The following CHST9 variants were observed in gnomAD, a reference collection of about 807,000 sequenced individuals.
CHST9 encodes the protein GalNAc-4-sulfotransferase 2.
In CHST9, 41 loss-of-function variants were observed where a neutral mutation model predicts 44.4. The ratio of observed to expected loss-of-function variants is 0.92; its 90% CI spans 0.72 to 1.20. CHST9 has a LOEUF of 1.20. CHST9 is among the 50% of genes most tolerant of loss of function. The pLI is 0.00. For missense variants in CHST9, 504 were observed against 516.5 expected, an observed-to-expected ratio of 0.98 and a Z score of 0.23; for synonymous variants, 171 against 178.4, an observed-to-expected ratio of 0.96 and a Z score of 0.33.
chr18:26,960,617 G>A (rs1039297919), intron 4 of CHST9, among the ~76,000 whole-genome samples: 13 of 152,316 alleles, frequency 8.5e-5, no homozygotes, highest in Admixed American at 5.2e-4. Flanking sequence ...GCATATGGGA[G>A]TTATTTATAT....
chr18:27,155,916 A>G (rs368296740), intron 1 of CHST9, among the ~76,000 whole-genome samples: 4 of 152,232 alleles, frequency 2.6e-5, no homozygotes, highest in South Asian at 4.1e-4. Context: ...AAAGCAGGTT[A>G]TATGTTAGAA....
chr18:26,994,598 G>A (rs2056863187), intron 4 of CHST9, among the ~76,000 whole-genome samples: 1 of 151,868 alleles, frequency 6.6e-6, no homozygotes, highest in Non-Finnish European at 1.5e-5. Flanking sequence ...TTTTTTGCGG[G>A]GCTGGGGGGT....
chr18:26,970,531 C>T (rs1568114689), intron 4 of CHST9, among the ~76,000 whole-genome samples: 4 of 152,256 alleles, frequency 2.6e-5, no homozygotes, highest in South Asian at 4.1e-4. Flanking sequence ...GGGGCTAAAG[C>T]GATTCTCCCT....
intron 2 of CHST9, among the ~76,000 whole-genome samples, chr18:27,118,378 G>C (rs1219501630): frequency 6.6e-6 from 1 of 150,488 alleles, no homozygotes; most frequent in African/African-American, 2.5e-5. Flanking sequence ...ATGCAGAACA[G>C]TTTTTAATTT....
At chr18:26,955,535 G>C (rs2056310615) in intron 4 of CHST9, among the ~76,000 whole-genome samples, 1 of 152,044 alleles carries the variant, frequency 6.6e-6, no homozygotes. Context: ...GGAAGCCTTG[G>C]GTAGGCTGGA....
intron 4 of CHST9, among the ~76,000 whole-genome samples, chr18:27,012,578 A>G (rs1253404681): frequency 1.3e-5 from 2 of 152,120 alleles, no homozygotes; most frequent in Non-Finnish European, 2.9e-5. Context: ...GTTTAAACCC[A>G]TGTTGTTCCC....
intron 1 of CHST9, among the ~76,000 whole-genome samples, chr18:27,165,739 T>A (rs2143942540): frequency 6.6e-6 from 1 of 152,312 alleles, no homozygotes; most frequent in South Asian, 2.1e-4. Context: ...GCTAATTTTT[T>A]ATTAGTTACA....
intron 4 of CHST9, among the ~76,000 whole-genome samples, chr18:27,015,833 G>T (rs2057146635): frequency 6.6e-6 from 1 of 152,092 alleles, no homozygotes; most frequent in Non-Finnish European, 1.5e-5. Context: ...CAGATTGATG[G>T]TGTCTGTGAG....
intron 5 of CHST9, among the ~76,000 whole-genome samples, chr18:26,943,344 G>A (rs2056112288): frequency 6.6e-6 from 1 of 152,178 alleles, no homozygotes. Flanking sequence ...GAGTTACAGG[G>A]CATCTGGCAC....
intron 4 of CHST9, among the ~76,000 whole-genome samples, chr18:26,978,938 A>T (rs188884038): frequency 6.6e-6 from 1 of 152,108 alleles, no homozygotes; most frequent in African/African-American, 2.4e-5. Flanking sequence ...AGCCAATAAG[A>T]ATTTTCTAGG....
Position 27,142,738 on chromosome 18 carries a change from C to T in CHST9, c.72G>A (p.Gly24=). Residue 24 remains glycine, a synonymous_variant, in exon 2 of 6, where the codon GGG becomes GGA. Coordinates refer to ENST00000618847, the MANE Select transcript of CHST9 (RefSeq NM_031422.6). ...FLSVLIFGVA[G]LLLFMYLQVW... is the part of the protein sequence containing the mutation. The stretch of plus-strand genomic sequence containing the variant: ...CTTGCAAATACATGAAGAGGAGTAG[C>T]CCAGCTACTCCAAATATCAGCACAG... The T allele has an allele frequency of 6.2e-7, 1 of 1,612,036 alleles. No homozygotes were observed. Among genetic ancestry groups the T allele is most frequent in the East Asian group, 2.2e-5 (1 of 44,774 alleles).
chr18:27,074,477 A>G (rs2057877550), intron 2 of CHST9, among the ~76,000 whole-genome samples: 1 of 152,196 alleles, frequency 6.6e-6, no homozygotes, highest in South Asian at 2.1e-4. Context: ...TTGTGTGTTT[A>G]TAGAGTTAAA....
Position 26,916,469 on chromosome 18 carries a change from T to C in CHST9, c.1122A>G (p.Glu374=), listed in dbSNP as rs746368450. Residue 374 remains glutamate (E), a synonymous_variant, in exon 6 of 6, where the codon GAA becomes GAG. Transcript: ENST00000618847. The part of the protein sequence containing the change: ...YDFVGKFETL[E]EDANYFLQMI... Reference sequence around the variant, plus strand: ...TCTGTAAAAAGTAATTGGCATCTTCTTCCAAAGTCTCAAATTTCCCTACAA... The same window carrying C: ...TCTGTAAAAAGTAATTGGCATCTTCCTCCAAAGTCTCAAATTTCCCTACAA... 1 of 1,613,764 alleles carries C rather than the reference T, an allele frequency of 6.2e-7. No homozygotes were observed. The highest frequency in any genetic ancestry group is 8.5e-7 in the Non-Finnish European group (1 of 1,179,746).
At chr18:26,966,243 G>A (rs1026355204) in intron 4 of CHST9, among the ~76,000 whole-genome samples, 20 of 152,092 alleles carry the variant, frequency 1.3e-4, no homozygotes, top group Non-Finnish European at 2.6e-4. Context: ...TTATATGACA[G>A]CTCTTTTAAA....
intron 5 of CHST9, among the ~76,000 whole-genome samples, chr18:26,924,006 G>A (rs185918893): frequency 2.0e-4 from 31 of 152,196 alleles, no homozygotes; most frequent in African/African-American, 7.5e-4. Context: ...GGAGGGGTTG[G>A]GTGTCATTCC....
At chr18:27,103,360 T>C (rs565588430) in intron 2 of CHST9, among the ~76,000 whole-genome samples, 1 of 152,314 alleles carries the variant, frequency 6.6e-6, no homozygotes, top group Non-Finnish European at 1.5e-5. Context: ...TCTGCTAACT[T>C]CTGCCTCAGT....
chr18:27,181,498 G>C (rs1355364873), intron 1 of CHST9, among the ~76,000 whole-genome samples: 2 of 152,146 alleles, frequency 1.3e-5, no homozygotes, highest in Non-Finnish European at 2.9e-5. Flanking sequence ...CCCTTATTTA[G>C]ATGGCTTCTT....
At chr18:27,169,905 C>A (rs1412834938) in intron 1 of CHST9, among the ~76,000 whole-genome samples, 1 of 152,054 alleles carries the variant, frequency 6.6e-6, no homozygotes, top group Non-Finnish European at 1.5e-5. Flanking sequence ...CTGCGCCTGG[C>A]CAGAAAATAT....
chr18:26,929,756 G>A (rs774892311), intron 5 of CHST9, among the ~76,000 whole-genome samples: 5 of 151,542 alleles, frequency 3.3e-5, no homozygotes, highest in African/African-American at 1.2e-4. Flanking sequence ...GGGGTAGGAG[G>A]AGAGAGAGAG....
Sources: allele counts gnomAD v4.1 joint callset (sites outside exome capture counted in the v4.1 genomes callset), GRCh38; gene constraint gnomAD v4.1.1; transcripts MANE v1.5; gene names NCBI Gene and HGNC (gene_info 2026-07-23, HGNC 2026-07-21).